The following MYLK variants were observed in gnomAD, a reference collection of about 807,000 sequenced individuals.
The protein encoded by MYLK is myosin light chain kinase, smooth muscle.
Under a neutral mutation model 203.4 loss-of-function variants are expected in MYLK, and 106 were observed. The observed-to-expected ratio is 0.52, with a 90% CI of 0.45 to 0.61. MYLK has a LOEUF of 0.61. Ranked by LOEUF, MYLK falls within the 20% of genes least tolerant of loss-of-function variation. The probability of loss-of-function intolerance (pLI) is 0.00; values close to 1 mark genes in which losing one functional copy is unlikely to be tolerated. For missense variants in MYLK, 2,072 were observed against 2,442.3 expected, an observed-to-expected ratio of 0.85 and a Z score of 3.20; for synonymous variants, 867 against 959.5, an observed-to-expected ratio of 0.90 and a Z score of 1.78.
intron 4 of MYLK, among the ~76,000 whole-genome samples, chr3:123,766,439 G>T (rs566983205): frequency 4.6e-4 from 70 of 152,378 alleles, no homozygotes; most frequent in African/African-American, 1.6e-3. Flanking sequence ...GGAGGAGGGT[G>T]AGGGCTCCAC....
chr3:123,819,580 T>C (rs1053079096), intron 3 of MYLK, among the ~76,000 whole-genome samples: 2 of 152,220 alleles, frequency 1.3e-5, no homozygotes, highest in Non-Finnish European at 2.9e-5. Flanking sequence ...AGCAAAAGCC[T>C]ATAGAAAAGA....
At chr3:123,779,935 T>C (rs1462240243) in intron 4 of MYLK, among the ~76,000 whole-genome samples, 2 of 152,202 alleles carry the variant, frequency 1.3e-5, no homozygotes, top group East Asian at 1.9e-4. Context: ...AAGTTGAGGA[T>C]GTCAAACCTT....
intron 4 of MYLK, among the ~76,000 whole-genome samples, chr3:123,755,594 T>C (rs2063336104): frequency 6.6e-6 from 1 of 152,094 alleles, no homozygotes; most frequent in South Asian, 2.1e-4. Flanking sequence ...GCCCTCCCAA[T>C]ATGGAAAATC....
At chr3:123,754,928 T>G (rs1456123) in intron 4 of MYLK, among the ~76,000 whole-genome samples, 136,559 of 152,218 alleles carry the variant, frequency 0.9, 62,988 homozygotes, top group East Asian at 1. Context: ...AGGTGACAGA[T>G]GTCATGCGCC....
At chr3:123,618,384 A>G (rs913566116) in intron 33 of MYLK, 8 of 487,834 alleles carry the variant, frequency 1.6e-5, no homozygotes, top group African/African-American at 1.4e-4. Flanking sequence ...ACTTAGGTCT[A>G]GTGGCTGATG....
In MYLK at chr3:123,722,320, T is replaced by C. The variant is rs183755769; in HGVS notation, c.1652-40A>G. On this transcript the variant is annotated intron_variant, in intron 12 of 33. Coordinates refer to ENST00000360304, the MANE Select transcript of MYLK (RefSeq NM_053025.4). ...CAGGAAGGCTCAGGCCAGGCAGCAC[T>C]GGCAGTAGGGACGGGAGCCCTGTCC... 7.8e-3 allele frequency: 12,081 copies of C among 1,551,708 alleles called. 67 individuals are homozygous for C. Among genetic ancestry groups the C allele is most frequent in the Non-Finnish European group, 9.0e-3 (10,374 of 1,147,634 alleles).
intron 31 of MYLK, 145 bp from the exon 32 acceptor site, chr3:123,620,481 G>C (rs906288139): frequency 2.9e-5 from 45 of 1,562,960 alleles, no homozygotes; most frequent in Non-Finnish European, 3.1e-5. Context: ...GGTTCTGCCA[G>C]AGGAGCGAAC....
At position 123,642,055 on chromosome 3, in the gene MYLK, T is replaced by C. The variant is rs1055213315; in HGVS notation, c.4620-1551A>G. On this transcript the variant is annotated intron_variant, in intron 27 of 33. Coordinates refer to ENST00000360304, the MANE Select transcript of MYLK (RefSeq NM_053025.4). This position sits in a 1 kb window ranked among gnomAD's most constrained non-coding sequence, Gnocchi z 4.2. ...ATGTTTTGTAGAGACAGGGTCTCTC[T>C]CTGTCACCCAGTCATAAGCTCATGT... Among the ~76,000 whole-genome samples, 5 of 152,054 alleles carry C rather than the reference T, an allele frequency of 3.3e-5. No homozygotes were observed. Among genetic ancestry groups the C allele is most frequent in the African/African-American group, 1.2e-4 (5 of 41,388 alleles).
chr3:123,671,168 A>T (rs1479661922), intron 20 of MYLK, among the ~76,000 whole-genome samples: 1 of 152,250 alleles, frequency 6.6e-6, no homozygotes, highest in Non-Finnish European at 1.5e-5. Flanking sequence ...TTGCATAGAT[A>T]CACGTGGAAA....
At chr3:123,798,370 A>G (rs1253749389) in intron 3 of MYLK, among the ~76,000 whole-genome samples, 2 of 152,194 alleles carry the variant, frequency 1.3e-5, no homozygotes, top group East Asian at 3.9e-4. Flanking sequence ...GTACAGAGGA[A>G]GAGGGGCAGA....
At position 123,644,770 on chromosome 3, in the gene MYLK, G is replaced by A. The variant is rs184955599; in HGVS notation, c.4619+2454C>T. ...GAATGAGGTCACAGATGTGGGCTAC[G>A]TATTTCCTGAAAATGGGGAGGAACA... On this transcript the variant is annotated intron_variant, in intron 27 of 33. Coordinates refer to ENST00000360304, the MANE Select transcript of MYLK (RefSeq NM_053025.4). Among the ~76,000 whole-genome samples, 234 of 152,336 alleles carry A rather than the reference G, an allele frequency of 1.5e-3. 2 individuals are homozygous for A. The highest frequency in any genetic ancestry group is 1.7e-3 in the Non-Finnish European group (115 of 68,034).
chr3:123,661,988 G>C (rs989260618), intron 23 of MYLK, among the ~76,000 whole-genome samples: 7 of 152,166 alleles, frequency 4.6e-5, no homozygotes, highest in Non-Finnish European at 8.8e-5. Flanking sequence ...TTATCCTCGT[G>C]TCTTCCTTAT....
intron 29 of MYLK, among the ~76,000 whole-genome samples, chr3:123,633,837 G>C (rs116776352): frequency 0.016 from 2,440 of 152,264 alleles, 58 homozygotes; most frequent in African/African-American, 0.053. Flanking sequence ...TTCTGTGTGT[G>C]TGTGTGCGTG....
In MYLK at chr3:123,793,774, C is replaced by T. The variant is rs762603388; in HGVS notation, c.68G>A (p.Arg23Lys). Residue 23 changes from arginine (R) to lysine (K), a missense_variant, in exon 4 of 34, where the codon AGA (arginine) becomes AAA (lysine). By Grantham distance (26) the Arg-to-Lys change is conservative (BLOSUM62 2). Transcript: ENST00000360304. Reference protein sequence around the residue: ...SKTSLSVDPSRVDSMPLTEAP... With the variant: ...SKTSLSVDPSKVDSMPLTEAP... Reference sequence around the variant, plus strand: ...CTCTGTCAGGGGCATGGAGTCAACTCTTGAGGGATCCACACTGAGGGAGGT... The same window carrying T: ...CTCTGTCAGGGGCATGGAGTCAACTTTTGAGGGATCCACACTGAGGGAGGT... 3.1e-6 allele frequency: 5 copies of T among 1,614,122 alleles called. No individual in the cohort carries two copies. In the South Asian group the frequency reaches 5.5e-5, roughly 18 times the overall value.
In MYLK at chr3:123,692,742, G is replaced by A. The variant is rs40305; in HGVS notation, c.3558C>T (p.Thr1186=). 1,101,661 of 1,612,124 alleles carry A rather than the reference G, an allele frequency of 0.68. 405,471 individuals carry two copies. Among genetic ancestry groups the A allele is most frequent in the Non-Finnish European group, 0.77 (906,427 of 1,178,622 alleles). ...AGQAECSCQV[T]VDDAPASENT... ...TGGGTGGGCACGACCTACCATCCAC[G>A]GTGACTTGGCAGGAGCACTCCGCCT... Residue 1186 remains threonine (T), a synonymous_variant, in exon 19 of 34, where the codon ACC becomes ACT. Coordinates refer to ENST00000360304, the MANE Select transcript of MYLK (RefSeq NM_053025.4).
At chr3:123,658,913 T>C (rs1330875642) in intron 23 of MYLK, among the ~76,000 whole-genome samples, 2 of 152,186 alleles carry the variant, frequency 1.3e-5, no homozygotes, top group Non-Finnish European at 2.9e-5. Context: ...GCCCAGAAAC[T>C]GTCTACCCCA....
At chr3:123,756,145 G>A (rs1215600549) in intron 4 of MYLK, among the ~76,000 whole-genome samples, 1 of 152,212 alleles carries the variant, frequency 6.6e-6, no homozygotes. Flanking sequence ...TTTCCAGGTT[G>A]AGTGGTTGTC....
chr3:123,883,689 C>T (rs2033681597), intron 1 of MYLK, among the ~76,000 whole-genome samples: 1 of 152,172 alleles, frequency 6.6e-6, no homozygotes, highest in South Asian at 2.1e-4. Context: ...GGAGGCAGAG[C>T]GAGGTAAGGA....
chr3:123,883,533 T>G (rs1291909556), intron 1 of MYLK, among the ~76,000 whole-genome samples: 1 of 152,184 alleles, frequency 6.6e-6, no homozygotes, highest in Non-Finnish European at 1.5e-5. Flanking sequence ...CTTTGGGTCT[T>G]GAAGGGTTTT....
Sources: allele counts gnomAD v4.1 joint callset (sites outside exome capture counted in the v4.1 genomes callset), GRCh38; gene constraint gnomAD v4.1.1; non-coding constraint Gnocchi (gnomAD v3.1); transcripts MANE v1.5; gene names NCBI Gene and HGNC (gene_info 2026-07-23, HGNC 2026-07-21).